The following NEDD4L variants were observed in gnomAD, a reference collection of about 807,000 sequenced individuals.
NEDD4L encodes the protein E3 ubiquitin-protein ligase NEDD4-like.
In NEDD4L, 54 loss-of-function variants were observed where a neutral mutation model predicts 148.9. The observed-to-expected ratio is 0.36, with a 90% confidence interval of 0.29 to 0.45. The LOEUF (loss-of-function observed/expected upper bound fraction) is 0.45, where lower values mean the gene tolerates loss of function less well. Ranked by LOEUF, NEDD4L falls within the 20% of genes least tolerant of loss-of-function variation. The pLI is 1.00. For missense variants in NEDD4L, 856 were observed against 1,233.8 expected (o/e 0.69, Z 4.59); for synonymous variants, 433 against 440.7 (o/e 0.98, Z 0.22).
intron 16 of NEDD4L, among the ~76,000 whole-genome samples, chr18:58,345,883 A>G (rs1446518731): frequency 4.0e-5 from 6 of 151,386 alleles, no homozygotes; most frequent in African/African-American, 7.3e-5. Context: ...CTGGGATTAC[A>G]GGCACATGCC....
At chr18:58,272,444 T>G (rs1046810462) in intron 5 of NEDD4L, among the ~76,000 whole-genome samples, 1 of 152,158 alleles carries the variant, frequency 6.6e-6, no homozygotes, top group African/African-American at 2.4e-5. Context: ...AAGACCAGTC[T>G]GGGCAACATG....
At chr18:58,283,849 A>G (rs986202257) in intron 5 of NEDD4L, among the ~76,000 whole-genome samples, 4 of 152,212 alleles carry the variant, frequency 2.6e-5, no homozygotes, top group African/African-American at 9.6e-5. Flanking sequence ...AGATGGAGTC[A>G]AGTTAAGATG....
intron 1 of NEDD4L, among the ~76,000 whole-genome samples, chr18:58,136,667 C>A (rs1224790012): frequency 1.3e-5 from 2 of 152,176 alleles, no homozygotes; most frequent in Non-Finnish European, 2.9e-5. Flanking sequence ...AAAAGTGAAG[C>A]AACATTCCAG....
chr18:58,374,069 A>G (rs894920854), intron 24 of NEDD4L, among the ~76,000 whole-genome samples: 42 of 152,228 alleles, frequency 2.8e-4, no homozygotes, highest in African/African-American at 9.6e-4. Flanking sequence ...TAATTAGACC[A>G]TAGAACTCAT....
intron 1 of NEDD4L, among the ~76,000 whole-genome samples, chr18:58,146,078 G>T (rs563603235): frequency 6.6e-6 from 1 of 152,266 alleles, no homozygotes; most frequent in African/African-American, 2.4e-5. Flanking sequence ...AGTATTAATA[G>T]TAGTGCCCAT....
Position 58,285,098 on chromosome 18 carries a change from GAGA to G in NEDD4L, c.298-30877_298-30875del, listed in dbSNP as rs1160027442. On this transcript the variant is annotated intron_variant, in intron 5 of 30. Coordinates refer to ENST00000400345, the MANE Select transcript of NEDD4L (RefSeq NM_001144967.3). ...AGGATTTCCTAACTGATCACTGCCA[GAGA>G]AGAAGAGGTGCTAAATAGTTGCCAA... is the stretch of plus-strand genomic sequence containing the variant. 4.6e-5 allele frequency among the ~76,000 whole-genome samples: 7 copies of G among 152,326 alleles called. No homozygotes were observed. The South Asian group carries it at 1.0e-3, about 23-fold the overall frequency.
chr18:58,333,959 C>T, intron 12 of NEDD4L, 67 bp downstream of exon 12: 1 of 1,014,936 alleles, frequency 9.9e-7, no homozygotes, highest in Non-Finnish European at 1.5e-6. Flanking sequence ...ATCTGGGCTG[C>T]TGCAAAAAGA....
chr18:58,210,922 G>C (rs1275430836), intron 2 of NEDD4L, among the ~76,000 whole-genome samples: 1 of 152,120 alleles, frequency 6.6e-6, no homozygotes, highest in Non-Finnish European at 1.5e-5. Flanking sequence ...TAACACCAGG[G>C]TGATTAACTG....
At chr18:58,393,635 G>A (rs755379376) in intron 30 of NEDD4L, among the ~76,000 whole-genome samples, 6 of 152,182 alleles carry the variant, frequency 3.9e-5, no homozygotes, top group Non-Finnish European at 7.3e-5. Context: ...CTGTTCTGCT[G>A]TTTCTTCTAA....
At chr18:58,291,373 A>G (rs1407068546) in intron 5 of NEDD4L, among the ~76,000 whole-genome samples, 1 of 152,226 alleles carries the variant, frequency 6.6e-6, no homozygotes, top group Non-Finnish European at 1.5e-5. Flanking sequence ...AAGTGTAGTC[A>G]TCTTTTCTCT....
chr18:58,246,113 A>T lies in NEDD4L; in HGVS notation c.204+605A>T, dbSNP rs61143784. 7.3e-3 allele frequency among the ~76,000 whole-genome samples: 1,115 copies of T among 152,222 alleles called. 11 individuals are homozygous for T. The highest frequency in any genetic ancestry group is 0.024 in the African/African-American group (992 of 41,538). Reference sequence around the variant, plus strand: ...GATAGTGATTCAGGTTTTTACTTAAATGCCTACAAAAACAGTATCCTGAAA... The same window carrying T: ...GATAGTGATTCAGGTTTTTACTTAATTGCCTACAAAAACAGTATCCTGAAA... On this transcript the variant is annotated intron_variant, in intron 3 of 30. Transcript: ENST00000400345.
At chr18:58,324,820 A>G (rs889652527) in intron 8 of NEDD4L, among the ~76,000 whole-genome samples, 176 bp from the exon 9 acceptor site, 3 of 152,080 alleles carry the variant, frequency 2.0e-5, no homozygotes, top group African/African-American at 7.2e-5. Context: ...TAGAATTGAT[A>G]TATATATATT....
chr18:58,192,952 C>G (rs2040275386), intron 2 of NEDD4L, among the ~76,000 whole-genome samples: 2 of 152,176 alleles, frequency 1.3e-5, no homozygotes. Context: ...CAATTGATAT[C>G]CTAGTTTGAT....
chr18:58,066,282 A>G (rs191639807), intron 1 of NEDD4L, among the ~76,000 whole-genome samples: 2 of 152,220 alleles, frequency 1.3e-5, no homozygotes, highest in Non-Finnish European at 2.9e-5. Flanking sequence ...AGGCACAAGG[A>G]AATTAAATAA....
At chr18:58,162,053 C>A (rs922126711) in intron 1 of NEDD4L, among the ~76,000 whole-genome samples, 1 of 152,166 alleles carries the variant, frequency 6.6e-6, no homozygotes, top group African/African-American at 2.4e-5. Context: ...AAGCTTATTT[C>A]AGACACATTT....
intron 5 of NEDD4L, among the ~76,000 whole-genome samples, chr18:58,267,153 C>T (rs373887233): frequency 3.3e-5 from 5 of 151,968 alleles, no homozygotes; most frequent in African/African-American, 9.7e-5. Context: ...ATTTTTCGCT[C>T]ATGAAAAACT....
At chr18:58,351,279 GTTT>G (rs997684031) in intron 18 of NEDD4L, 2 of 599,848 alleles carry the variant, frequency 3.3e-6, no homozygotes, top group South Asian at 1.5e-4. Context: ...CTATTAACGT[GTTT>G]TTTTTTGTTG....
chr18:58,334,034 C>A, intron 12 of NEDD4L, 142 bp downstream of exon 12: 1 of 529,166 alleles, frequency 1.9e-6, no homozygotes, highest in Non-Finnish European at 3.3e-6. Context: ...GGCCAATTGC[C>A]CTAGGAAAGT....
chr18:58,315,397 G>A (rs1213525064), intron 5 of NEDD4L, among the ~76,000 whole-genome samples: 1 of 151,842 alleles, frequency 6.6e-6, no homozygotes, highest in African/African-American at 2.4e-5. Context: ...GAGAGGGAGA[G>A]GCATGGTGTG....
Sources: gnomAD v4.1 joint callset for allele counts (sites outside exome capture counted in the v4.1 genomes callset) on GRCh38, gnomAD v4.1.1 for gene constraint, MANE v1.5 for transcripts, NCBI Gene and HGNC (gene_info 2026-07-23, HGNC 2026-07-21) for gene names.